The following BARX2 variants were observed in gnomAD, a reference collection of about 807,000 sequenced individuals.
The protein encoded by BARX2 is BARX homeobox 2, also known as homeobox protein BarH-like 2.
BARX2 carries 11 observed loss-of-function variants against 25.5 expected under a neutral mutation model. The observed-to-expected ratio is 0.43, with a 90% confidence interval of 0.27 to 0.71. The LOEUF (loss-of-function observed/expected upper bound fraction) is 0.71. BARX2 is among the 30% of genes least tolerant of loss of function. The probability of loss-of-function intolerance (pLI) is 0.19; values close to 1 mark genes in which losing one functional copy is unlikely to be tolerated. For missense variants in BARX2, 360 were observed against 359.9 expected, an observed-to-expected ratio of 1.00 and a Z score of 0.00; for synonymous variants, 137 against 149.5, an observed-to-expected ratio of 0.92 and a Z score of 0.61.
intron 1 of BARX2, among the ~76,000 whole-genome samples, chr11:129,409,376 C>T (rs1196307896): frequency 6.6e-6 from 1 of 152,158 alleles, no homozygotes; most frequent in Non-Finnish European, 1.5e-5. Context: ...GGCTCAAGCA[C>T]AATTTTTAAA....
chr11:129,431,980 T>A (rs1022188341), intron 1 of BARX2, among the ~76,000 whole-genome samples: 1 of 141,308 alleles, frequency 7.1e-6, no homozygotes, highest in African/African-American at 2.6e-5. Context: ...GCTCTTATTA[T>A]TTTATTTATT....
At chr11:129,403,143 C>T (rs1056179893) in intron 1 of BARX2, among the ~76,000 whole-genome samples, 4 of 152,258 alleles carry the variant, frequency 2.6e-5, no homozygotes, top group Non-Finnish European at 4.4e-5. Context: ...GAGCTCCCAG[C>T]TCAAGTGGGT....
intron 1 of BARX2, among the ~76,000 whole-genome samples, chr11:129,381,906 A>G (rs999903901): frequency 6.6e-6 from 1 of 152,182 alleles, no homozygotes; most frequent in Non-Finnish European, 1.5e-5. Flanking sequence ...TGTACAGGCA[A>G]AACAAAGCTG....
At chr11:129,443,235 A>T (rs919438588) in intron 3 of BARX2, among the ~76,000 whole-genome samples, 1 of 152,096 alleles carries the variant, frequency 6.6e-6, no homozygotes, top group African/African-American at 2.4e-5. Flanking sequence ...CAGTTTTGTT[A>T]CTTAGGTATA....
At chr11:129,443,954 C>G (rs942884270) in intron 3 of BARX2, among the ~76,000 whole-genome samples, 1 of 152,146 alleles carries the variant, frequency 6.6e-6, no homozygotes, top group African/African-American at 2.4e-5. Flanking sequence ...GTTAGTGGCT[C>G]TTTCTCCTCT....
At position 129,435,506 on chromosome 11, in the gene BARX2, G is replaced by A. The variant is rs939700995; in HGVS notation, c.188-1245G>A. On this transcript the variant is annotated intron_variant, in intron 1 of 3. Coordinates refer to ENST00000281437, the MANE Select transcript of BARX2 (RefSeq NM_003658.5). ...TGATGTTAGTCGGTTTCAACTCAGA[G>A]CTAGTGTGAATGTTGGTTGGCTCAG... Among the ~76,000 whole-genome samples the A allele has an allele frequency of 2.6e-5, 4 of 152,328 alleles. No homozygotes were observed. The East Asian group carries it at 5.8e-4, about 22-fold the overall frequency.
At chr11:129,442,575 C>G (rs1023926883) in intron 2 of BARX2, 3 of 471,108 alleles carry the variant, frequency 6.4e-6, no homozygotes, top group African/African-American at 6.0e-5. Flanking sequence ...TCTCAGGTCC[C>G]TTGCAGACCG....
intron 1 of BARX2, among the ~76,000 whole-genome samples, chr11:129,410,268 A>G (rs1253272090): frequency 1.3e-5 from 2 of 152,022 alleles, no homozygotes; most frequent in Admixed American, 6.5e-5. Flanking sequence ...TTCAGCTATC[A>G]TATTTTTATT....
At chr11:129,441,800 C>T (rs1862263586) in intron 2 of BARX2, among the ~76,000 whole-genome samples, 2 of 152,188 alleles carry the variant, frequency 1.3e-5, no homozygotes, top group Non-Finnish European at 2.9e-5. Flanking sequence ...AGGATTTGGC[C>T]ACAGTTGCTG....
intron 1 of BARX2, among the ~76,000 whole-genome samples, chr11:129,429,454 G>T (rs952143937): frequency 2.0e-5 from 3 of 152,138 alleles, no homozygotes; most frequent in African/African-American, 7.2e-5. Flanking sequence ...GAACCTAGGA[G>T]TTCAAGGTTA....
chr11:129,381,110 G>A (rs961633389), intron 1 of BARX2, among the ~76,000 whole-genome samples: 8 of 152,074 alleles, frequency 5.3e-5, no homozygotes, highest in Non-Finnish European at 7.4e-5. Context: ...GTTCATTAGC[G>A]GTGTCTTCTC....
rs572982091 is a variant in BARX2 at position 129,390,678 on chromosome 11, T to A, written c.187+14456T>A. ...GAAAAATGAGAATGGAAGATTTCAT[T>A]TGGAAATGGCCCTGTGAGTACGTGC... On this transcript the variant is annotated intron_variant, in intron 1 of 3. Transcript: ENST00000281437. This position sits in a 1 kb window ranked among gnomAD's most constrained non-coding sequence, Gnocchi z 4.3. Among the ~76,000 whole-genome samples, 7 of 152,118 alleles carry A rather than the reference T, an allele frequency of 4.6e-5. No homozygotes were observed. Among genetic ancestry groups the A allele is most frequent in the Non-Finnish European group, 7.4e-5 (5 of 68,012 alleles).
Position 129,376,790 on chromosome 11 carries a change from G to A in BARX2, c.187+568G>A, listed in dbSNP as rs2135380423. ...GGCACAAGCCGAAAAGGTCACCCTC[G>A]TTTGTCTTAAGTCAAGCCGAAAAGG... is the stretch of plus-strand genomic sequence containing the variant. On this transcript the variant is annotated intron_variant, in intron 1 of 3. Transcript: ENST00000281437. This position sits in a 1 kb window ranked among gnomAD's most constrained non-coding sequence, Gnocchi z 4.2. 6.6e-6 allele frequency among the ~76,000 whole-genome samples: 1 copy of A among 152,156 alleles called. No homozygotes were observed. The highest frequency in any genetic ancestry group is 1.9e-4 in the East Asian group (1 of 5,188).
chr11:129,393,085 A>G (rs546172918), intron 1 of BARX2, among the ~76,000 whole-genome samples: 3 of 152,142 alleles, frequency 2.0e-5, no homozygotes, highest in Admixed American at 6.5e-5. Flanking sequence ...AGCCTGGGCA[A>G]CATGGAGAGA....
At chr11:129,389,819 A>G (rs1464929742) in intron 1 of BARX2, among the ~76,000 whole-genome samples, 1 of 152,032 alleles carries the variant, frequency 6.6e-6, no homozygotes, top group African/African-American at 2.4e-5. Flanking sequence ...ATTAGGTAGC[A>G]TGGAAAATGG....
chr11:129,428,635 G>C (rs1205386748), intron 1 of BARX2, among the ~76,000 whole-genome samples: 1 of 152,154 alleles, frequency 6.6e-6, no homozygotes, highest in African/African-American at 2.4e-5. Context: ...TCACTTTTCT[G>C]CTCCCCATGG....
chr11:129,438,003 T>C (rs1862212366), intron 2 of BARX2: 1 of 148,652 alleles, frequency 6.7e-6, no homozygotes, highest in Non-Finnish European at 1.5e-5. Flanking sequence ...ATCGCTGCAC[T>C]CTAGGCGAGA....
At chr11:129,405,272 T>C (rs986414011) in intron 1 of BARX2, among the ~76,000 whole-genome samples, 3 of 152,094 alleles carry the variant, frequency 2.0e-5, no homozygotes, top group Non-Finnish European at 2.9e-5. Context: ...TTGACTTGGG[T>C]TAATTTTCTA....
At chr11:129,407,300 T>G (rs1228934773) in intron 1 of BARX2, among the ~76,000 whole-genome samples, 1 of 152,238 alleles carries the variant, frequency 6.6e-6, no homozygotes, top group African/African-American at 2.4e-5. Flanking sequence ...GCACCTGTTT[T>G]GCGTATGATG....
Sources: allele counts gnomAD v4.1 joint callset (sites outside exome capture counted in the v4.1 genomes callset), GRCh38; gene constraint gnomAD v4.1.1; non-coding constraint Gnocchi (gnomAD v3.1); transcripts MANE v1.5; gene names NCBI Gene and HGNC (gene_info 2026-07-23, HGNC 2026-07-21).